NKAIN2: variants seen among roughly 807,000 people sequenced by gnomAD.
NKAIN2 encodes sodium/potassium-transporting ATPase subunit beta-1-interacting protein 2.
In NKAIN2, 14 loss-of-function variants were observed where a neutral mutation model predicts 32.6. The ratio of observed to expected loss-of-function variants is 0.43; its 90% CI spans 0.28 to 0.67. NKAIN2 has a LOEUF of 0.67. Ranked by LOEUF, NKAIN2 falls within the 30% of genes least tolerant of loss-of-function variation. The pLI, the probability that NKAIN2 is intolerant of heterozygous loss-of-function variation, is 0.17. For synonymous variants in NKAIN2, 80 were observed against 87.2 expected, an observed-to-expected ratio of 0.92 and a Z score of 0.46; for missense variants, 198 against 258.3, an observed-to-expected ratio of 0.77 and a Z score of 1.60.
chr6:124,104,226 CT>C (rs1453199455), intron 1 of NKAIN2, among the ~76,000 whole-genome samples: 1 of 152,100 alleles, frequency 6.6e-6, no homozygotes, highest in East Asian at 1.9e-4. Context: ...AATTTATAAC[CT>C]TTTTTGTCTT....
At chr6:124,514,344 G>T (rs540869948) in intron 3 of NKAIN2, among the ~76,000 whole-genome samples, 2 of 152,106 alleles carry the variant, frequency 1.3e-5, no homozygotes, top group Non-Finnish European at 2.9e-5. Flanking sequence ...TGGATTTCCC[G>T]CTGGGCTATC....
intron 4 of NKAIN2, among the ~76,000 whole-genome samples, chr6:124,713,533 G>T (rs1294399094): frequency 1.3e-5 from 2 of 152,134 alleles, no homozygotes; most frequent in African/African-American, 4.8e-5. Context: ...AATAATGGAG[G>T]GGGTAGAGCT....
chr6:123,949,501 T>C (rs1414412073), intron 1 of NKAIN2, among the ~76,000 whole-genome samples: 1 of 152,008 alleles, frequency 6.6e-6, no homozygotes, highest in Non-Finnish European at 1.5e-5. Flanking sequence ...TAGTTTTCCT[T>C]ATAGAGGTCT....
At chr6:124,438,398 C>G (rs332612) in intron 3 of NKAIN2, among the ~76,000 whole-genome samples, 43,833 of 151,910 alleles carry the variant, frequency 0.29, 6,699 homozygotes, top group African/African-American at 0.38. Context: ...AATTCAGGAT[C>G]CTTACTTATG....
chr6:123,831,639 C>G (rs968689710), intron 1 of NKAIN2, among the ~76,000 whole-genome samples: 3 of 147,722 alleles, frequency 2.0e-5, no homozygotes, highest in African/African-American at 7.4e-5. Context: ...AGAGTGGTAC[C>G]TTTGTTACAG....
At chr6:124,357,713 G>A in intron 3 of NKAIN2, among the ~76,000 whole-genome samples, 1 of 152,046 alleles carries the variant, frequency 6.6e-6, no homozygotes, top group East Asian at 1.9e-4. Context: ...ATTGGTAAGA[G>A]GTAATAAAAC....
At position 124,435,833 on chromosome 6, in the gene NKAIN2, A is replaced by C. The variant is rs1255062796; in HGVS notation, c.273+80486A>C. Among the ~76,000 whole-genome samples, 5 of 152,170 alleles carry C rather than the reference A, an allele frequency of 3.3e-5. No homozygotes were observed. The East Asian group carries it at 9.6e-4, about 29-fold the overall frequency. On this transcript the variant is annotated intron_variant, in intron 3 of 6. Transcript: ENST00000368417. ...TTATATTAAAAAGTCCCAAAGCCTA[A>C]CTAACATTCTATAGTCCAAACAGAC...
intron 1 of NKAIN2, among the ~76,000 whole-genome samples, chr6:123,855,241 A>G (rs538769988): frequency 7.9e-5 from 12 of 152,314 alleles, no homozygotes; most frequent in African/African-American, 2.6e-4. Context: ...AAATTAAAAT[A>G]TTGTGAACAA....
At chr6:124,157,886 A>C (rs944540567) in intron 1 of NKAIN2, among the ~76,000 whole-genome samples, 1 of 152,134 alleles carries the variant, frequency 6.6e-6, no homozygotes, top group African/African-American at 2.4e-5. Context: ...TATCTTTTTA[A>C]AGTGAGACTA....
intron 4 of NKAIN2, among the ~76,000 whole-genome samples, chr6:124,728,840 A>G (rs1212871486): frequency 2.0e-5 from 3 of 152,078 alleles, no homozygotes; most frequent in African/African-American, 7.2e-5. Flanking sequence ...AAGAGAGAAG[A>G]ATCTAATAGA....
At chr6:124,687,352 AT>A (rs1773975788) in intron 4 of NKAIN2, among the ~76,000 whole-genome samples, 1 of 136,074 alleles carries the variant, frequency 7.3e-6, no homozygotes, top group Non-Finnish European at 1.6e-5. Flanking sequence ...CATATAATAT[AT>A]ATATTCCATA....
chr6:124,223,366 ATAAT>A (rs1393793229), intron 1 of NKAIN2, among the ~76,000 whole-genome samples: 1 of 152,098 alleles, frequency 6.6e-6, no homozygotes, highest in African/African-American at 2.4e-5. Flanking sequence ...GAATAGGAAA[ATAAT>A]TGATGATGCC....
intron 1 of NKAIN2, among the ~76,000 whole-genome samples, chr6:124,119,555 A>G (rs1785775873): frequency 6.6e-6 from 1 of 152,198 alleles, no homozygotes; most frequent in African/African-American, 2.4e-5. Flanking sequence ...AGAACTCCCA[A>G]ACTCTTGCAT....
chr6:124,344,972 T>C (rs1798330527), intron 2 of NKAIN2, among the ~76,000 whole-genome samples: 1 of 152,180 alleles, frequency 6.6e-6, no homozygotes, highest in Admixed American at 6.6e-5. Context: ...TGTGGTTTTG[T>C]CATAGATAGC....
chr6:124,542,999 T>C (rs994089133), intron 3 of NKAIN2, among the ~76,000 whole-genome samples: 5 of 152,186 alleles, frequency 3.3e-5, no homozygotes, highest in African/African-American at 1.2e-4. Flanking sequence ...TTTCTGTAAG[T>C]ATTTCACAGC....
chr6:124,232,887 C>A (rs1792533134), intron 1 of NKAIN2, among the ~76,000 whole-genome samples: 1 of 152,094 alleles, frequency 6.6e-6, no homozygotes, highest in Non-Finnish European at 1.5e-5. Context: ...TATAAACCCC[C>A]CAACCTTGTA....
At chr6:124,023,685 T>C (rs575641865) in intron 1 of NKAIN2, among the ~76,000 whole-genome samples, 2 of 152,334 alleles carry the variant, frequency 1.3e-5, no homozygotes, top group Non-Finnish European at 2.9e-5. Flanking sequence ...TAACTTTACA[T>C]TGATTTTCTC....
At chr6:123,938,153 T>C (rs189610590) in intron 1 of NKAIN2, among the ~76,000 whole-genome samples, 102 of 151,960 alleles carry the variant, frequency 6.7e-4, no homozygotes, top group African/African-American at 2.3e-3. Flanking sequence ...TGCAGTCTAA[T>C]GCATTGCTAA....
intron 1 of NKAIN2, among the ~76,000 whole-genome samples, chr6:124,000,294 A>G (rs997724143): frequency 2.6e-5 from 4 of 152,124 alleles, no homozygotes; most frequent in African/African-American, 9.7e-5. Flanking sequence ...TGTAATGCCC[A>G]GAACTTGAAT....
Sources: gnomAD v4.1 joint callset for allele counts (sites outside exome capture counted in the v4.1 genomes callset) on GRCh38, gnomAD v4.1.1 for gene constraint, MANE v1.5 for transcripts, NCBI Gene and HGNC (gene_info 2026-07-23, HGNC 2026-07-21) for gene names.